Variants in TRAPPC4 observed in about 807,000 individuals in gnomAD.
TRAPPC4 encodes TRS23 homolog.
TRAPPC4 carries 30 observed loss-of-function variants against 23.5 expected under a neutral mutation model. That is an observed-to-expected ratio of 1.28 (90% CI 0.96 to 1.73). The LOEUF (loss-of-function observed/expected upper bound fraction) is 1.73. Ranked by LOEUF, TRAPPC4 falls within the 40% of genes most tolerant of loss-of-function variation. TRAPPC4 has a pLI of 0.00. For missense variants in TRAPPC4, 252 were observed against 268.9 expected (o/e 0.94, Z 0.44); for synonymous variants, 129 against 105.3 (o/e 1.23, Z -1.38).
Position 119,019,211 on chromosome 11 carries a change from G to A in TRAPPC4, c.244G>A (p.Val82Met), listed in dbSNP as rs1301156839. 3 of 1,614,230 alleles carry A rather than the reference G, an allele frequency of 1.9e-6. No homozygotes were observed. Among genetic ancestry groups the A allele is most frequent in the Non-Finnish European group, 2.5e-6 (3 of 1,180,040 alleles). The change falls in exon 2 of 5, where the codon GTG (valine) becomes ATG (methionine). Residue 82 changes from valine to methionine, a missense_variant. By Grantham distance (21) the Val-to-Met change is conservative. Around this residue, in one of 3 missense-constraint regions of TRAPPC4, gnomAD observed 222 missense variants for 217.8 expected, o/e 1.02. Transcript: ENST00000533632. ...CAGGTACACGGCCGACGGGAAAGAGGTGCTGGAGTATCTGGGTAACCCTGC... is the reference window on the plus strand; with the variant it reads ...CAGGTACACGGCCGACGGGAAAGAGATGCTGGAGTATCTGGGTAACCCTGC... ...NGRYTADGKE[V>M]LEYLGNPANY...
chr11:119,019,521 A>G (rs1943277814), intron 2 of TRAPPC4: 3 of 564,186 alleles, frequency 5.3e-6, no homozygotes, highest in Admixed American at 3.2e-5. Flanking sequence ...GGCTCACTGC[A>G]GCCTCTGCCT....
intron 2 of TRAPPC4, chr11:119,019,813 TTAAC>T (rs1943293223): frequency 4.8e-6 from 1 of 207,028 alleles, no homozygotes; most frequent in Non-Finnish European, 9.6e-6. Flanking sequence ...GAAAGCCAGT[TTAAC>T]TAAATGACCT....
At chr11:119,019,389 T>TA in intron 2 of TRAPPC4, 72 bp downstream of exon 2, 2 of 1,501,984 alleles carry the variant, frequency 1.3e-6, no homozygotes, top group Non-Finnish European at 1.8e-6. Flanking sequence ...GTTCTGGTGT[T>TA]ATGAAAAACG....
In TRAPPC4 at chr11:119,019,188, G is replaced by A. The variant is rs1222318066; in HGVS notation, c.221G>A (p.Arg74Lys). ...ATCAATGGCATGGACGTGAATGGCA[G>A]GTACACGGCCGACGGGAAAGAGGTG... is the stretch of plus-strand genomic sequence containing the variant. ...LAINGMDVNG[R>K]YTADGKEVLE... is the part of the protein sequence containing the mutation. The change falls in exon 2 of 5, where the codon AGG (arginine) becomes AAG (lysine). Residue 74 changes from arginine to lysine, a missense_variant. Coordinates refer to ENST00000533632, the MANE Select transcript of TRAPPC4 (RefSeq NM_016146.6). The A allele has an allele frequency of 6.2e-7, 1 of 1,614,212 alleles. No homozygotes were observed. Among genetic ancestry groups the A allele is most frequent in the East Asian group, 2.2e-5 (1 of 44,890 alleles).
In TRAPPC4 at chr11:119,023,705, A is replaced by T. The variant is rs1253724036; in HGVS notation, c.*306A>T. On this transcript the variant is annotated 3_prime_UTR_variant, in exon 5 of 5. Transcript: ENST00000533632. ...CTTAATCGATGGTTTTGGGGGAAAG[A>T]TACAGGAAGTGAGTCAAAAATGGTT... 2 of 214,612 alleles carry T rather than the reference A, an allele frequency of 9.3e-6. No homozygotes were observed. Among genetic ancestry groups the T allele is most frequent in the Non-Finnish European group, 1.8e-5 (2 of 108,210 alleles). 13.3% of individuals were successfully genotyped at this position (214,612 alleles called of 1,614,324 possible). A position where few individuals can be genotyped will look rare whatever the true frequency, so the allele number is the denominator to read the frequency against.
At chr11:119,021,920 G>C (rs1943368710) in intron 4 of TRAPPC4, 34 bp downstream of exon 4, 2 of 1,612,262 alleles carry the variant, frequency 1.2e-6, no homozygotes, top group Admixed American at 1.7e-5. Flanking sequence ...ACTGTTTAAA[G>C]CGTCCTTGCC....
In TRAPPC4 at chr11:119,019,315, C is replaced by T. The variant is rs782446171; in HGVS notation, c.348C>T (p.His116=). The stretch of plus-strand genomic sequence containing the variant: ...AGCTTATGCTGGCCTCCATGTTCCA[C>T]TCGTAAGTCCCCCGTCTCCTGAACG... ...NEKLMLASMF[H]SLFAIGSQLS... The change falls in exon 2 of 5, where the codon CAC becomes CAT. Residue 116 remains histidine (H), a splice_region_variant and synonymous_variant. Coordinates refer to ENST00000533632, the MANE Select transcript of TRAPPC4 (RefSeq NM_016146.6). 28 of 1,610,694 alleles carry T rather than the reference C, an allele frequency of 1.7e-5. No individual in the cohort carries two copies. Among genetic ancestry groups the T allele is most frequent in the Middle Eastern group, 1.6e-4 (1 of 6,062 alleles).
At chr11:119,020,292 A>G (rs1316372055) in intron 3 of TRAPPC4, 39 bp downstream of exon 3, 8 of 1,521,042 alleles carry the variant, frequency 5.3e-6, no homozygotes, top group East Asian at 2.3e-5. Context: ...TGTGATGGAG[A>G]AGGTGGGGAA....
chr11:119,019,949 T>C (rs551888297), intron 2 of TRAPPC4: 44 of 498,642 alleles, frequency 8.8e-5, no homozygotes, highest in African/African-American at 8.3e-4. Flanking sequence ...AGATGTAAAA[T>C]GTCTTGTAAC....
At chr11:119,023,164 C>A in intron 4 of TRAPPC4, 157 bp from the exon 5 acceptor site, 1 of 618,116 alleles carries the variant, frequency 1.6e-6, no homozygotes, top group Non-Finnish European at 2.9e-6. Flanking sequence ...AGGGTTTCAC[C>A]ATATTGGCCA....
intron 3 of TRAPPC4, 54 bp from the exon 4 acceptor site, chr11:119,021,706 A>T: frequency 6.2e-7 from 1 of 1,600,804 alleles, no homozygotes; most frequent in Non-Finnish European, 8.5e-7. Flanking sequence ...ATACAGGATG[A>T]CACTATTTGC....
intron 1 of TRAPPC4, 52 bp downstream of exon 1, chr11:119,019,022 C>T: frequency 6.3e-7 from 1 of 1,595,940 alleles, no homozygotes; most frequent in Non-Finnish European, 8.5e-7. Flanking sequence ...GGCCCCAGTG[C>T]TGTAGAAGTG....
intron 1 of TRAPPC4, 77 bp from the exon 2 acceptor site, chr11:119,019,066 G>T: frequency 2.5e-6 from 4 of 1,590,000 alleles, no homozygotes; most frequent in Non-Finnish European, 3.4e-6. Flanking sequence ...GGGGAAAAGG[G>T]GTTGTGTCGG....
At chr11:119,022,059 G>A (rs190055435) in intron 4 of TRAPPC4, among the ~76,000 whole-genome samples, 173 bp downstream of exon 4, 2 of 152,078 alleles carry the variant, frequency 1.3e-5, no homozygotes, top group African/African-American at 2.4e-5. Context: ...ATCTTGGCTC[G>A]CTGTAACCTC....
Position 119,023,990 on chromosome 11 carries a change from A to C in TRAPPC4, c.*591A>C, listed in dbSNP as rs1044990307. ...TCTTCACCCTAACTCCAGGGGGTAC[A>C]TTCTGTTACAGATAAGAGATTTAGC... On this transcript the variant is annotated 3_prime_UTR_variant, in exon 5 of 5. Transcript: ENST00000533632. The C allele has an allele frequency of 2.0e-5, 3 of 152,586 alleles. No homozygotes were observed. The highest frequency in any genetic ancestry group is 7.2e-5 in the African/African-American group (3 of 41,404). 9.5% of individuals were successfully genotyped at this position (152,586 alleles called of 1,614,324 possible). A position where few individuals can be genotyped will look rare whatever the true frequency, so the allele number is the denominator to read the frequency against.
Position 119,021,838 on chromosome 11 carries a change from C to G in TRAPPC4, c.533C>G (p.Ser178Ter), listed in dbSNP as rs782668576. ...SLLRKIYEIYSDFALKNPFYS... is the reference protein window; with the variant it reads ...SLLRKIYEIY ...CTCCGAAAGATTTATGAGATTTACT[C>G]AGACTTTGCCCTCAAGAATCCATTC... The change falls in exon 4 of 5, where the codon TCA becomes TGA. Residue 178 changes from serine (S) to a stop codon, truncating the protein, a stop_gained. Coordinates refer to ENST00000533632, the MANE Select transcript of TRAPPC4 (RefSeq NM_016146.6). LOFTEE classifies it high-confidence loss of function. The G allele has an allele frequency of 6.2e-7, 1 of 1,614,158 alleles. No individual in the cohort carries two copies. Among genetic ancestry groups the G allele is most frequent in the Admixed American group, 1.7e-5 (1 of 60,022 alleles).
chr11:119,020,066 G>A (rs1943305284), intron 2 of TRAPPC4, 84 bp from the exon 3 acceptor site: 4 of 921,004 alleles, frequency 4.3e-6, no homozygotes, highest in Non-Finnish European at 6.9e-6. Flanking sequence ...GCTGTAATGT[G>A]AACTCCTCAG....
intron 4 of TRAPPC4, chr11:119,022,935 TTG>T (rs1943412484): frequency 6.9e-6 from 1 of 145,676 alleles, no homozygotes; most frequent in Non-Finnish European, 1.4e-5. Context: ...GTTTGTTTGT[TTG>T]TGGGGTTTTT....
chr11:119,018,899 C>T lies in TRAPPC4; in HGVS notation c.104C>T (p.Pro35Leu). The T allele has an allele frequency of 6.2e-7, 1 of 1,614,118 alleles. No individual in the cohort carries two copies. The highest frequency in any genetic ancestry group is 8.5e-7 in the Non-Finnish European group (1 of 1,180,030). The change falls in exon 1 of 5, where the codon CCG (proline) becomes CTG (leucine). Residue 35 changes from proline (P) to leucine (L), a missense_variant. By Grantham distance (98) the Pro-to-Leu change is moderately conservative. Around this residue, in one of 3 missense-constraint regions of TRAPPC4, gnomAD observed 222 missense variants for 217.8 expected, o/e 1.02. Coordinates refer to ENST00000533632, the MANE Select transcript of TRAPPC4 (RefSeq NM_016146.6). ...RAEAEKTFSY[P>L]LDLLLKLHDE... Reference sequence around the variant, plus strand: ...GAGGCTGAGAAAACTTTCAGTTATCCGCTGGATCTGCTGCTCAAGCTACAC... The same window carrying T: ...GAGGCTGAGAAAACTTTCAGTTATCTGCTGGATCTGCTGCTCAAGCTACAC...
Sources: allele counts gnomAD v4.1 joint callset (sites outside exome capture counted in the v4.1 genomes callset), GRCh38; gene constraint gnomAD v4.1.1; regional missense constraint gnomAD v4.1.1; transcripts MANE v1.5; gene names NCBI Gene and HGNC (gene_info 2026-07-23, HGNC 2026-07-21).